The following MYB variants were observed in gnomAD, a reference collection of about 807,000 sequenced individuals.
The protein encoded by MYB is MYB proto-oncogene, transcription factor, also known as transcriptional activator Myb.
MYB carries 28 observed loss-of-function variants against 92.9 expected under a neutral mutation model. The observed-to-expected ratio is 0.30, with a 90% CI of 0.22 to 0.41. The LOEUF is 0.41. MYB is among the 10% of genes least tolerant of loss of function. The probability of loss-of-function intolerance (pLI) is 1.00; values close to 1 mark genes in which losing one functional copy is unlikely to be tolerated. For missense variants in MYB, 679 were observed against 929.3 expected, an observed-to-expected ratio of 0.73 and a Z score of 3.50; for synonymous variants, 295 against 329.1, an observed-to-expected ratio of 0.90 and a Z score of 1.12.
chr6:135,183,016 T>G (rs948368840), intron 1 of MYB, among the ~76,000 whole-genome samples: 7 of 147,620 alleles, frequency 4.7e-5, no homozygotes, highest in Non-Finnish European at 7.5e-5. Context: ...GTTTTTTTTT[T>G]TTTTTTTTTT....
At position 135,182,387 on chromosome 6, in the gene MYB, C is replaced by CT. The variant is rs1329509730; in HGVS notation, c.23+851_23+852insT. Reference sequence around the variant, plus strand: ...GCCTCTGGACTTTCCCAGCAGCACACGCCGGGGCTCCCTGCGAGCGGCGGG... The same window carrying CT: ...GCCTCTGGACTTTCCCAGCAGCACACTGCCGGGGCTCCCTGCGAGCGGCGGG... On this transcript the variant is annotated intron_variant, in intron 1 of 15. Transcript: ENST00000341911. The surrounding 1 kb of genome is among the most constrained non-coding windows in gnomAD (Gnocchi z 5.6). 6.6e-6 allele frequency among the ~76,000 whole-genome samples: 1 copy of CT among 152,230 alleles called. No homozygotes were observed. Among genetic ancestry groups the CT allele is most frequent in the African/African-American group, 2.4e-5 (1 of 41,458 alleles).
At chr6:135,203,045 A>G (rs1778354870) in intron 14 of MYB, 172 bp from the exon 15 acceptor site, 6 of 698,122 alleles carry the variant, frequency 8.6e-6, no homozygotes, top group African/African-American at 1.8e-5. Flanking sequence ...AGGTTCAGAC[A>G]TAGTTGATTT....
intron 2 of MYB, 71 bp downstream of exon 2, chr6:135,186,091 T>A: frequency 7.6e-7 from 1 of 1,307,318 alleles, no homozygotes; most frequent in Non-Finnish European, 1.1e-6. Flanking sequence ...AAATTTCAAC[T>A]AAACTACAGG....
intron 15 of MYB, among the ~76,000 whole-genome samples, chr6:135,217,438 A>C (rs778298924): frequency 4.6e-5 from 7 of 152,196 alleles, no homozygotes; most frequent in Non-Finnish European, 8.8e-5. Flanking sequence ...AAACATATAT[A>C]TGACACTTAG....
chr6:135,196,127 A>G, intron 9 of MYB, 125 bp downstream of exon 9: 1 of 986,662 alleles, frequency 1.0e-6, no homozygotes, highest in Non-Finnish European at 1.5e-6. Context: ...AGGTAGAAGT[A>G]TGATTTTCAT....
intron 15 of MYB, among the ~76,000 whole-genome samples, chr6:135,207,932 G>T (rs1779171600): frequency 6.6e-6 from 1 of 151,728 alleles, no homozygotes; most frequent in Non-Finnish European, 1.5e-5. Context: ...TCTCCATGTT[G>T]GCTAGGCTGG....
intron 8 of MYB, chr6:135,195,297 G>A (rs1042323058): frequency 8.6e-5 from 26 of 301,628 alleles, no homozygotes; most frequent in Middle Eastern, 2.5e-3. Flanking sequence ...TGTAGCATTA[G>A]AAAGGGATAG....
intron 15 of MYB, among the ~76,000 whole-genome samples, chr6:135,211,803 G>A (rs1452466046): frequency 3.3e-5 from 5 of 152,068 alleles, no homozygotes; most frequent in Non-Finnish European, 4.4e-5. Flanking sequence ...TCACCATCTC[G>A]ATTTTTATTT....
At chr6:135,208,095 T>TTTG (rs1779217752) in intron 15 of MYB, among the ~76,000 whole-genome samples, 2 of 150,216 alleles carry the variant, frequency 1.3e-5, no homozygotes, top group Non-Finnish European at 3.0e-5. Flanking sequence ...TTTTTTTTTT[T>TTTG]TGAGACAGCG....
chr6:135,206,298 T>A (rs1489241755), intron 15 of MYB, among the ~76,000 whole-genome samples: 1 of 151,034 alleles, frequency 6.6e-6, no homozygotes, highest in Non-Finnish European at 1.5e-5. Flanking sequence ...CTTGGGAGGC[T>A]AGGGCAGGAG....
At chr6:135,209,406 G>A (rs182863540) in intron 15 of MYB, among the ~76,000 whole-genome samples, 37 of 152,226 alleles carry the variant, frequency 2.4e-4, no homozygotes, top group African/African-American at 7.9e-4. Context: ...GCTAATTTTC[G>A]TATTTTTAGT....
chr6:135,194,376 C>T lies in MYB; in HGVS notation c.864C>T (p.Asp288=). The T allele has an allele frequency of 6.2e-7, 1 of 1,612,418 alleles. No homozygotes were observed. The highest frequency in any genetic ancestry group is 8.5e-7 in the Non-Finnish European group (1 of 1,178,978). ...AAIQRHYNDE[D]PEKEKRIKEL... ...TTCAGAGACACTATAATGATGAAGA[C>T]CCTGAGAAGGAAAAGCGAATAAAGG... Residue 288 remains aspartate, a synonymous_variant, in exon 8 of 16, where the codon GAC becomes GAT. Coordinates refer to ENST00000341911, the MANE Select transcript of MYB (RefSeq NM_001130173.2).
intron 15 of MYB, among the ~76,000 whole-genome samples, chr6:135,216,833 A>G (rs1780512233): frequency 6.6e-6 from 1 of 152,266 alleles, no homozygotes; most frequent in South Asian, 2.1e-4. Context: ...ACACAGAGGC[A>G]TCGCAGGAGC....
At chr6:135,209,931 A>G (rs1779483210) in intron 15 of MYB, among the ~76,000 whole-genome samples, 1 of 152,188 alleles carries the variant, frequency 6.6e-6, no homozygotes, top group Non-Finnish European at 1.5e-5. Context: ...AATGGTCACA[A>G]ATGAGGAAGT....
chr6:135,198,783 G>A, intron 10 of MYB, 125 bp from the exon 11 acceptor site: 1 of 719,290 alleles, frequency 1.4e-6, no homozygotes, highest in Non-Finnish European at 2.2e-6. Context: ...ATGCTTGTTA[G>A]CATCTTTATT....
intron 15 of MYB, among the ~76,000 whole-genome samples, chr6:135,209,884 T>A (rs1779477737): frequency 6.6e-6 from 1 of 152,198 alleles, no homozygotes; most frequent in East Asian, 1.9e-4. Context: ...TTTCTCCACA[T>A]TGTGTGGGGT....
chr6:135,194,734 A>G lies in MYB; in HGVS notation c.948+274A>G, dbSNP rs560259580. On this transcript the variant is annotated intron_variant, in intron 8 of 15. Coordinates refer to ENST00000341911, the MANE Select transcript of MYB (RefSeq NM_001130173.2). ...TCTTCAGAAGGACTATAATCAGTTT[A>G]AAGACTAGCAAAGATAAAATGAATG... is the stretch of plus-strand genomic sequence containing the variant. 5.2e-6 allele frequency: 3 copies of G among 579,570 alleles called. No homozygotes were observed. In the East Asian group the frequency reaches 8.8e-5, roughly 17 times the overall value. 35.9% of individuals were successfully genotyped at this position (579,570 alleles called of 1,614,324 possible).
In MYB at chr6:135,188,596, G is replaced by A. The variant is rs568109897; in HGVS notation, c.213+691G>A. On this transcript the variant is annotated intron_variant, in intron 3 of 15. Transcript: ENST00000341911. ...ACGATCTCAGCTCACTGCAACCTCC[G>A]CCTCCCAGGTTCAAGCGATTCTCGT... Among the ~76,000 whole-genome samples, 45 of 148,960 alleles carry A rather than the reference G, an allele frequency of 3.0e-4. 1 individual carries two copies. The highest frequency in any genetic ancestry group is 5.3e-4 in the Non-Finnish European group (36 of 67,678).
chr6:135,206,225 A>AAAAT (rs1554254480), intron 15 of MYB, among the ~76,000 whole-genome samples: 23 of 96,650 alleles, frequency 2.4e-4, no homozygotes, highest in South Asian at 7.2e-4. Flanking sequence ...AAAAAAAAAA[A>AAAAT]AATAATAATA....
Sources: gnomAD v4.1 joint callset for allele counts (sites outside exome capture counted in the v4.1 genomes callset) on GRCh38, gnomAD v4.1.1 for gene constraint, Gnocchi (gnomAD v3.1) non-coding constraint, MANE v1.5 for transcripts, NCBI Gene and HGNC (gene_info 2026-07-23, HGNC 2026-07-21) for gene names.